Variants in PCDH11X observed in about 807,000 individuals in gnomAD.
PCDH11X encodes the protein protocadherin-11 X-linked.
In PCDH11X, 18 loss-of-function variants were observed where a neutral mutation model predicts 53.3. That is an observed-to-expected ratio of 0.34 (90% CI 0.23 to 0.50). PCDH11X has a LOEUF of 0.50. Among genes scored for constraint, PCDH11X ranks in the 20% least tolerant of loss-of-function variants. The pLI, the probability that PCDH11X is intolerant of heterozygous loss-of-function variation, is 0.98. For synonymous variants in PCDH11X, 279 were observed against 393.3 expected (o/e 0.71, Z 3.44); for missense variants, 570 against 1,032.4 (o/e 0.55, Z 6.14).
intron 6 of PCDH11X, among the ~76,000 whole-genome samples, chrX:92,036,269 C>G (rs1246452785): frequency 9.1e-6 from 1 of 110,215 alleles, no homozygotes; most frequent in Non-Finnish European, 1.9e-5. Context: ...TCTTCACAGT[C>G]TGGGATTGTT....
chrX:91,826,219 A>G (rs909856363), intron 4 of PCDH11X, among the ~76,000 whole-genome samples: 61 of 110,974 alleles, frequency 5.5e-4, no homozygotes, highest in Non-Finnish European at 7.0e-4. Context: ...TTATGTATTT[A>G]CCTAGATGAA....
At chrX:92,328,648 A>G (rs935453044) in intron 8 of PCDH11X, among the ~76,000 whole-genome samples, 4 of 111,112 alleles carry the variant, frequency 3.6e-5, no homozygotes, top group African/African-American at 1.3e-4. Flanking sequence ...AAAAGGGAGT[A>G]TTAATATTTA....
intron 7 of PCDH11X, among the ~76,000 whole-genome samples, chrX:92,228,422 A>G (rs2067008519): frequency 9.0e-6 from 1 of 111,578 alleles, no homozygotes; most frequent in Non-Finnish European, 1.9e-5. Flanking sequence ...CAAATTTTTC[A>G]GTAAGAATTC....
chrX:91,869,803 G>T (rs1177339638), intron 5 of PCDH11X, among the ~76,000 whole-genome samples: 1 of 111,741 alleles, frequency 8.9e-6, no homozygotes, highest in African/African-American at 3.2e-5. Flanking sequence ...TTTTGCTGTA[G>T]TATAAGGCAT....
intron 6 of PCDH11X, among the ~76,000 whole-genome samples, chrX:92,106,966 C>A (rs2064397750): frequency 8.9e-6 from 1 of 111,787 alleles, no homozygotes; most frequent in African/African-American, 3.3e-5. Context: ...ACAATCTATT[C>A]TCTCAGAAGC....
chrX:91,791,502 G>A (rs1237295252), intron 1 of PCDH11X, among the ~76,000 whole-genome samples: 2 of 107,593 alleles, frequency 1.9e-5, no homozygotes, highest in Non-Finnish European at 3.8e-5. Flanking sequence ...ACAGCAAGGG[G>A]AAAATCCACC....
intron 10 of PCDH11X, among the ~76,000 whole-genome samples, chrX:92,541,051 G>A (rs2074748654): frequency 9.0e-6 from 1 of 111,014 alleles, no homozygotes. Flanking sequence ...GCCCCAGCTG[G>A]TGTCTTCCTA....
rs758868529 is a variant in PCDH11X at position 91,947,188 on chromosome X, G to A, written c.3033+67915G>A. On this transcript the variant is annotated intron_variant, in intron 6 of 10. Transcript: ENST00000682573. ...GTGCATTTGAGTGTGCAAGCTAGGG[G>A]AAAGTTTGTGTTGGGGGGGTGCAGC... 1.6e-4 allele frequency among the ~76,000 whole-genome samples: 17 copies of A among 109,016 alleles called. No individual in the cohort carries two copies. In the South Asian group the frequency reaches 6.4e-3, roughly 41 times the overall value. 94.7% of individuals were successfully genotyped at this position (109,016 alleles called of 115,157 possible). A position where few individuals can be genotyped will look rare whatever the true frequency, so the allele number is the denominator to read the frequency against.
intron 10 of PCDH11X, among the ~76,000 whole-genome samples, chrX:92,597,411 A>G (rs1257270642): frequency 9.0e-6 from 1 of 111,225 alleles, no homozygotes; most frequent in Non-Finnish European, 1.9e-5. Flanking sequence ...GAAATTAAAA[A>G]GTAGTCAAAT....
chrX:92,038,832 T>C (rs774272713), intron 6 of PCDH11X, among the ~76,000 whole-genome samples: 1 of 108,316 alleles, frequency 9.2e-6, no homozygotes, highest in Admixed American at 9.9e-5. Context: ...AAAATGAGAG[T>C]TTGCCTGCAC....
At chrX:92,042,776 G>A (rs185903240) in intron 6 of PCDH11X, among the ~76,000 whole-genome samples, 4 of 104,754 alleles carry the variant, frequency 3.8e-5, no homozygotes, top group Middle Eastern at 4.8e-3. Context: ...AGCTGGGATT[G>A]CAGGCTCCCA....
chrX:92,462,849 T>G (rs1385987563), intron 9 of PCDH11X, among the ~76,000 whole-genome samples: 3 of 108,809 alleles, frequency 2.8e-5, no homozygotes, highest in Non-Finnish European at 5.7e-5. Context: ...ATTTGTTATC[T>G]TAAATATCCA....
At chrX:92,516,470 C>T (rs34869317) in intron 10 of PCDH11X, among the ~76,000 whole-genome samples, 5,540 of 111,305 alleles carry the variant, frequency 0.05, 327 homozygotes, top group African/African-American at 0.17. Context: ...TATCTTCTAA[C>T]GGAAAAAAGT....
At chrX:92,192,599 G>A (rs903098184) in intron 6 of PCDH11X, among the ~76,000 whole-genome samples, 1 of 110,745 alleles carries the variant, frequency 9.0e-6, no homozygotes, top group Non-Finnish European at 1.9e-5. Flanking sequence ...CGCCCACCTC[G>A]GCCTCCTAAA....
At chrX:91,819,044 A>C (rs1258345280) in intron 4 of PCDH11X, among the ~76,000 whole-genome samples, 1 of 111,764 alleles carries the variant, frequency 8.9e-6, no homozygotes, top group Admixed American at 9.6e-5. Context: ...TTGATTTCCC[A>C]TTTGATGGTT....
intron 8 of PCDH11X, among the ~76,000 whole-genome samples, chrX:92,333,316 T>C (rs1168975522): frequency 9.0e-6 from 1 of 111,171 alleles, no homozygotes; most frequent in Non-Finnish European, 1.9e-5. Flanking sequence ...TGAGAAGATA[T>C]TTTGTTTTGT....
chrX:91,792,005 G>A (rs1202357341), intron 1 of PCDH11X, among the ~76,000 whole-genome samples: 1 of 109,211 alleles, frequency 9.2e-6, no homozygotes, highest in Non-Finnish European at 1.9e-5. Flanking sequence ...GGGACTACAG[G>A]CGCCCGCCAC....
intron 9 of PCDH11X, among the ~76,000 whole-genome samples, chrX:92,465,269 AAGG>A (rs2073136037): frequency 1.8e-5 from 2 of 111,820 alleles, no homozygotes; most frequent in African/African-American, 3.3e-5. Flanking sequence ...TCACTGAATT[AAGG>A]AGGAGATATA....
At chrX:92,538,048 A>G (rs762370996) in intron 10 of PCDH11X, among the ~76,000 whole-genome samples, 92 of 97,965 alleles carry the variant, frequency 9.4e-4, no homozygotes, top group African/African-American at 3.1e-3. Flanking sequence ...TGAATGCTCC[A>G]GTGTTAGGTA....
Sources: allele counts gnomAD v4.1 joint callset (sites outside exome capture counted in the v4.1 genomes callset), GRCh38; gene constraint gnomAD v4.1.1; transcripts MANE v1.5; gene names NCBI Gene and HGNC (gene_info 2026-07-23, HGNC 2026-07-21).